Variants in UBAC2 observed in about 807,000 individuals in gnomAD.
UBAC2 encodes UBA domain containing 2.
UBAC2 carries 26 observed loss-of-function variants against 44.0 expected under a neutral mutation model. The observed-to-expected ratio is 0.59, with a 90% CI of 0.43 to 0.82. The LOEUF is 0.82. UBAC2 is among the 40% of genes least tolerant of loss of function. The probability of loss-of-function intolerance (pLI) is 0.00; values close to 1 mark genes in which losing one functional copy is unlikely to be tolerated. For missense variants in UBAC2, 329 were observed against 419.4 expected, an observed-to-expected ratio of 0.78 and a Z score of 1.88; for synonymous variants, 155 against 154.3, an observed-to-expected ratio of 1.00 and a Z score of -0.04.
intron 1 of UBAC2, among the ~76,000 whole-genome samples, chr13:99,218,172 G>A (rs1594009754): frequency 6.6e-6 from 1 of 152,098 alleles, no homozygotes; most frequent in East Asian, 1.9e-4. Context: ...TGTCTAATTA[G>A]TACTTTTAGT....
At chr13:99,380,559 G>A (rs560201840) in intron 8 of UBAC2, among the ~76,000 whole-genome samples, 6 of 152,308 alleles carry the variant, frequency 3.9e-5, no homozygotes, top group South Asian at 4.1e-4. Context: ...TAACTTGCAC[G>A]GCTGTGAGCA....
intron 1 of UBAC2, among the ~76,000 whole-genome samples, chr13:99,232,105 GAA>G (rs1277542259): frequency 6.6e-6 from 1 of 152,096 alleles, no homozygotes; most frequent in Non-Finnish European, 1.5e-5. Flanking sequence ...TTTTAAAAAA[GAA>G]AATTGGGAGT....
chr13:99,279,639 C>T (rs2043927471), intron 4 of UBAC2, among the ~76,000 whole-genome samples: 2 of 152,170 alleles, frequency 1.3e-5, no homozygotes, highest in Non-Finnish European at 2.9e-5. Flanking sequence ...TAACAAAATG[C>T]CCTAGACTGT....
chr13:99,333,713 A>G (rs2044747592), intron 6 of UBAC2, among the ~76,000 whole-genome samples: 1 of 152,158 alleles, frequency 6.6e-6, no homozygotes, highest in Non-Finnish European at 1.5e-5. Context: ...TCTTCACAGA[A>G]TGGTCCTGCT....
chr13:99,211,232 C>T (rs1402371547), intron 1 of UBAC2, among the ~76,000 whole-genome samples: 1 of 152,178 alleles, frequency 6.6e-6, no homozygotes, highest in Non-Finnish European at 1.5e-5. Context: ...CGAGTCTTTT[C>T]ACGCTCAGAA....
At chr13:99,337,445 T>C (rs1024613393) in intron 6 of UBAC2, among the ~76,000 whole-genome samples, 1 of 152,170 alleles carries the variant, frequency 6.6e-6, no homozygotes, top group Non-Finnish European at 1.5e-5. Flanking sequence ...TTATTTTTTC[T>C]TTCTAAACAG....
At chr13:99,243,461 TTG>T (rs1321780263) in intron 2 of UBAC2, among the ~76,000 whole-genome samples, 1 of 152,166 alleles carries the variant, frequency 6.6e-6, no homozygotes, top group African/African-American at 2.4e-5. Context: ...AGTTACAACT[TTG>T]TCTTATTCAA....
At chr13:99,345,640 C>T (rs1298018084) in intron 7 of UBAC2, among the ~76,000 whole-genome samples, 1 of 152,180 alleles carries the variant, frequency 6.6e-6, no homozygotes, top group Non-Finnish European at 1.5e-5. Flanking sequence ...CTGGACCTCC[C>T]TCTCTCCTGG....
At chr13:99,256,157 T>G (rs1248960797) in intron 4 of UBAC2, among the ~76,000 whole-genome samples, 2 of 152,200 alleles carry the variant, frequency 1.3e-5, no homozygotes, top group African/African-American at 4.8e-5. Flanking sequence ...AATAAATATT[T>G]ACTGAATTGA....
intron 6 of UBAC2, among the ~76,000 whole-genome samples, chr13:99,331,819 A>C (rs2044719703): frequency 6.6e-6 from 1 of 152,226 alleles, no homozygotes; most frequent in Non-Finnish European, 1.5e-5. Flanking sequence ...AAGGAATAGG[A>C]AAATGTAAGA....
intron 6 of UBAC2, among the ~76,000 whole-genome samples, chr13:99,320,928 G>A (rs1244762141): frequency 6.6e-6 from 1 of 152,144 alleles, no homozygotes; most frequent in African/African-American, 2.4e-5. Context: ...CCTTTTTGGG[G>A]AGATATTTAT....
intron 7 of UBAC2, among the ~76,000 whole-genome samples, chr13:99,360,833 T>C (rs1307668265): frequency 6.6e-6 from 1 of 152,226 alleles, no homozygotes; most frequent in Non-Finnish European, 1.5e-5. Flanking sequence ...TCTTGCATTG[T>C]TCTGGCTTTT....
At chr13:99,227,735 T>C (rs748807717) in intron 1 of UBAC2, among the ~76,000 whole-genome samples, 22 of 152,236 alleles carry the variant, frequency 1.4e-4, no homozygotes, top group Non-Finnish European at 2.9e-4. Flanking sequence ...GTCCACAGTT[T>C]ATTGCTGTGC....
intron 4 of UBAC2, among the ~76,000 whole-genome samples, chr13:99,288,550 C>T (rs2138701959): frequency 6.6e-6 from 1 of 152,278 alleles, no homozygotes; most frequent in Middle Eastern, 3.4e-3. Context: ...TTTGGATATG[C>T]ATTATCAGAG....
intron 6 of UBAC2, among the ~76,000 whole-genome samples, chr13:99,327,741 GCTAAAATC>G (rs2044659375): frequency 1.3e-5 from 2 of 152,104 alleles, no homozygotes; most frequent in South Asian, 4.1e-4. Context: ...TTTTTGTTCT[GCTAAAATC>G]CTACCTCTTA....
At chr13:99,358,736 G>C (rs141086199) in intron 7 of UBAC2, among the ~76,000 whole-genome samples, 1 of 152,136 alleles carries the variant, frequency 6.6e-6, no homozygotes, top group East Asian at 1.9e-4. Context: ...AGACAGTGGC[G>C]GGGGAGTTCC....
At chr13:99,233,903 A>G (rs1174213561) in intron 1 of UBAC2, among the ~76,000 whole-genome samples, 1 of 152,142 alleles carries the variant, frequency 6.6e-6, no homozygotes, top group East Asian at 1.9e-4. Flanking sequence ...TTGTAACCAA[A>G]TCTGCTGGTA....
intron 4 of UBAC2, among the ~76,000 whole-genome samples, chr13:99,299,322 A>G (rs1267748630): frequency 2.0e-5 from 3 of 152,242 alleles, no homozygotes; most frequent in Non-Finnish European, 4.4e-5. Flanking sequence ...GAATACAGCC[A>G]TGCAGTGAAT....
At chr13:99,260,271 T>G (rs1200883582) in intron 4 of UBAC2, among the ~76,000 whole-genome samples, 1 of 152,244 alleles carries the variant, frequency 6.6e-6, no homozygotes, top group Non-Finnish European at 1.5e-5. Flanking sequence ...ATGTTTGCAT[T>G]GTTACTGCAT....
Sources: allele counts gnomAD v4.1 joint callset (sites outside exome capture counted in the v4.1 genomes callset), GRCh38; gene constraint gnomAD v4.1.1; transcripts MANE v1.5; gene names NCBI Gene and HGNC (gene_info 2026-07-23, HGNC 2026-07-21).